The following BMERB1 variants were observed in gnomAD, a reference collection of about 807,000 sequenced individuals.
The protein encoded by BMERB1 is bMERB domain-containing protein 1.
BMERB1 carries 12 observed loss-of-function variants against 23.6 expected under a neutral mutation model. That is an observed-to-expected ratio of 0.51 (90% CI 0.33 to 0.82). The LOEUF (loss-of-function observed/expected upper bound fraction) is 0.82, where lower values mean the gene tolerates loss of function less well. Ranked by LOEUF, BMERB1 falls within the 40% of genes least tolerant of loss-of-function variation. The pLI is 0.03. For synonymous variants in BMERB1, 122 were observed against 96.6 expected, an observed-to-expected ratio of 1.26 and a Z score of -1.54; for missense variants, 247 against 255.4, an observed-to-expected ratio of 0.97 and a Z score of 0.22.
At chr16:15,567,495 C>T (rs1164912651) in intron 2 of BMERB1, among the ~76,000 whole-genome samples, 6 of 152,218 alleles carry the variant, frequency 3.9e-5, no homozygotes, top group Admixed American at 3.9e-4. Context: ...TGCCTGTAAT[C>T]CCAGCACTTT....
intron 1 of BMERB1, among the ~76,000 whole-genome samples, chr16:15,455,364 A>G (rs999006182): frequency 1.3e-5 from 2 of 151,642 alleles, no homozygotes; most frequent in East Asian, 1.9e-4. Context: ...GTCATACCCA[A>G]CAGTGTGTTG....
At chr16:15,586,507 A>T (rs2031146121) in intron 5 of BMERB1, among the ~76,000 whole-genome samples, 1 of 152,172 alleles carries the variant, frequency 6.6e-6, no homozygotes, top group Non-Finnish European at 1.5e-5. Flanking sequence ...AGCATTGAGG[A>T]CCATATAAAA....
chr16:15,539,839 C>T (rs1301250555), intron 2 of BMERB1, among the ~76,000 whole-genome samples: 1 of 146,918 alleles, frequency 6.8e-6, no homozygotes, highest in Non-Finnish European at 1.5e-5. Flanking sequence ...AAGATTCCGT[C>T]TCAAAAAAAA....
chr16:15,483,600 G>A (rs570327203), intron 1 of BMERB1, among the ~76,000 whole-genome samples: 1 of 152,116 alleles, frequency 6.6e-6, no homozygotes, highest in Admixed American at 6.5e-5. Flanking sequence ...GGCTGGTCTC[G>A]AACTCTTGAC....
intron 3 of BMERB1, among the ~76,000 whole-genome samples, chr16:15,573,620 A>G (rs2150974278): frequency 6.6e-6 from 1 of 152,206 alleles, no homozygotes; most frequent in African/African-American, 2.4e-5. Context: ...TCAAGCATTG[A>G]TCTTGGTTTT....
intron 1 of BMERB1, among the ~76,000 whole-genome samples, chr16:15,471,511 G>T (rs772044249): frequency 2.0e-5 from 3 of 152,180 alleles, no homozygotes; most frequent in Non-Finnish European, 4.4e-5. Flanking sequence ...AAAGTTGTTT[G>T]CAGTATTCCC....
At chr16:15,479,906 A>G (rs1016103500) in intron 1 of BMERB1, among the ~76,000 whole-genome samples, 9 of 151,286 alleles carry the variant, frequency 5.9e-5, no homozygotes, top group African/African-American at 1.9e-4. Context: ...TTATCATGCC[A>G]CGCCACTGCA....
chr16:15,500,693 C>T (rs2051519193), intron 1 of BMERB1, among the ~76,000 whole-genome samples: 1 of 152,212 alleles, frequency 6.6e-6, no homozygotes, highest in African/African-American at 2.4e-5. Flanking sequence ...ACTCTGTCAC[C>T]CAAACTGTAG....
At chr16:15,523,034 T>G (rs1418820428) in intron 2 of BMERB1, among the ~76,000 whole-genome samples, 1 of 151,852 alleles carries the variant, frequency 6.6e-6, no homozygotes, top group Non-Finnish European at 1.5e-5. Flanking sequence ...CAAGGTTTTA[T>G]TGAGTGGAGG....
intron 2 of BMERB1, among the ~76,000 whole-genome samples, chr16:15,563,471 GGCCTCCCAAAGT>G (rs1449507190): frequency 1.3e-5 from 2 of 151,820 alleles, no homozygotes; most frequent in South Asian, 2.1e-4. Context: ...TGCCCACCTC[GGCCTCCCAAAGT>G]GCTGGGATTA....
chr16:15,488,521 G>A (rs981047374), intron 1 of BMERB1, among the ~76,000 whole-genome samples: 3 of 152,076 alleles, frequency 2.0e-5, no homozygotes, highest in African/African-American at 7.2e-5. Flanking sequence ...CTCATCATGC[G>A]TTTCTCTTAA....
intron 1 of BMERB1, among the ~76,000 whole-genome samples, chr16:15,451,168 T>G (rs1184511445): frequency 6.6e-6 from 1 of 152,136 alleles, no homozygotes; most frequent in African/African-American, 2.4e-5. Context: ...CGTGCAACCT[T>G]TCGTTTGTTT....
chr16:15,573,592 C>G (rs2030785612), intron 3 of BMERB1, among the ~76,000 whole-genome samples: 1 of 152,134 alleles, frequency 6.6e-6, no homozygotes. Flanking sequence ...CCATCAAGTG[C>G]ACGGTCTGCA....
At chr16:15,448,342 G>A (rs153793) in intron 1 of BMERB1, among the ~76,000 whole-genome samples, 67,172 of 151,964 alleles carry the variant, frequency 0.44, 15,567 homozygotes, top group Middle Eastern at 0.55. Context: ...GCTGGAGTCT[G>A]CAGGAGCAGT....
chr16:15,539,274 A>G (rs1390417213), intron 2 of BMERB1, among the ~76,000 whole-genome samples: 1 of 152,094 alleles, frequency 6.6e-6, no homozygotes, highest in African/African-American at 2.4e-5. Context: ...TTGCACTCCT[A>G]TGAGAATCTA....
chr16:15,586,663 C>G (rs1229555771), intron 5 of BMERB1, 54 bp from the exon 6 acceptor site: 4 of 1,313,432 alleles, frequency 3.0e-6, no homozygotes, highest in Middle Eastern at 1.8e-4. Context: ...CTCACCTCAC[C>G]TCTCTCTCTC....
In BMERB1 at chr16:15,587,638, C is replaced by T. The variant is rs749624029; in HGVS notation, c.*809C>T. 112 of 369,548 alleles carry T rather than the reference C, an allele frequency of 3.0e-4. No homozygotes were observed. Among genetic ancestry groups the T allele is most frequent in the Non-Finnish European group, 5.3e-4 (92 of 174,400 alleles). The allele number at this position is 369,548 out of a possible 1,614,324, so 22.9% of individuals were successfully genotyped here. On this transcript the variant is annotated 3_prime_UTR_variant, in exon 6 of 6. Transcript: ENST00000300006. The stretch of plus-strand genomic sequence containing the variant: ...AGAGTAGATGCTGACCTGGGCACTC[C>T]ACCATTCCGGGGCCACCACAGAGAT...
At chr16:15,474,350 A>G (rs1025043790) in intron 1 of BMERB1, among the ~76,000 whole-genome samples, 1 of 152,006 alleles carries the variant, frequency 6.6e-6, no homozygotes, top group Non-Finnish European at 1.5e-5. Context: ...TTCTCCTTCT[A>G]GGAATACAAA....
chr16:15,512,706 C>G (rs763247865), intron 1 of BMERB1, among the ~76,000 whole-genome samples: 5 of 151,964 alleles, frequency 3.3e-5, no homozygotes, highest in Non-Finnish European at 7.4e-5. Context: ...TGGTGAAACC[C>G]CAACTCTACT....
Sources: gnomAD v4.1 joint callset for allele counts (sites outside exome capture counted in the v4.1 genomes callset) on GRCh38, gnomAD v4.1.1 for gene constraint, MANE v1.5 for transcripts, NCBI Gene and HGNC (gene_info 2026-07-23, HGNC 2026-07-21) for gene names.